Variants in ITGBL1 observed in about 807,000 individuals in gnomAD.
The protein encoded by ITGBL1 is integrin beta-like protein 1.
A neutral mutation model predicts 68.5 loss-of-function variants in ITGBL1; 51 were observed. The observed-to-expected ratio is 0.74, with a 90% CI of 0.59 to 0.94. The LOEUF (loss-of-function observed/expected upper bound fraction) is 0.94. Among genes scored for constraint, ITGBL1 ranks in the 40% least tolerant of loss-of-function variants. The pLI is 0.00. For missense variants in ITGBL1, 649 were observed against 647.4 expected (o/e 1.00, Z -0.03); for synonymous variants, 209 against 227.3 (o/e 0.92, Z 0.72).
chr13:101,678,200 G>A (rs533891035), intron 7 of ITGBL1, among the ~76,000 whole-genome samples: 6 of 152,170 alleles, frequency 3.9e-5, no homozygotes, highest in Non-Finnish European at 8.8e-5. Flanking sequence ...TCTCACATAT[G>A]TGTAAACTCG....
intron 7 of ITGBL1, among the ~76,000 whole-genome samples, chr13:101,664,715 C>T (rs996680228): frequency 6.6e-6 from 1 of 152,026 alleles, no homozygotes; most frequent in African/African-American, 2.4e-5. Context: ...TGATCTTGTA[C>T]TAGCAATCCA....
At chr13:101,544,542 C>A (rs1946156039) in intron 2 of ITGBL1, among the ~76,000 whole-genome samples, 3 of 152,182 alleles carry the variant, frequency 2.0e-5, no homozygotes, top group Non-Finnish European at 2.9e-5. Context: ...TCTCAGTTGT[C>A]CAGCTGCATG....
chr13:101,486,221 C>A (rs951447273), intron 2 of ITGBL1, among the ~76,000 whole-genome samples: 1 of 152,102 alleles, frequency 6.6e-6, no homozygotes, highest in Non-Finnish European at 1.5e-5. Context: ...GGCCATTATT[C>A]TAAGTGAAGT....
intron 7 of ITGBL1, among the ~76,000 whole-genome samples, chr13:101,608,048 A>G (rs1402976326): frequency 6.6e-6 from 1 of 152,100 alleles, no homozygotes; most frequent in Non-Finnish European, 1.5e-5. Flanking sequence ...TTCCTTAAAC[A>G]CATAACCATA....
chr13:101,557,725 C>T (rs1932266), intron 2 of ITGBL1, among the ~76,000 whole-genome samples: 152,158 of 152,172 alleles, frequency 1, 76,072 homozygotes, highest in Middle Eastern at 1. Flanking sequence ...TATTGGTAGA[C>T]GTTAAGTTCT....
At chr13:101,519,686 T>C (rs1404123757) in intron 2 of ITGBL1, among the ~76,000 whole-genome samples, 1 of 152,200 alleles carries the variant, frequency 6.6e-6, no homozygotes, top group East Asian at 1.9e-4. Flanking sequence ...ATATCATTAT[T>C]TTTAGGACTA....
At chr13:101,637,113 T>C (rs951724260) in intron 7 of ITGBL1, among the ~76,000 whole-genome samples, 17 of 152,124 alleles carry the variant, frequency 1.1e-4, no homozygotes, top group Non-Finnish European at 1.5e-5. Context: ...GGAAGATACA[T>C]CAAAGTTATG....
intron 8 of ITGBL1, among the ~76,000 whole-genome samples, chr13:101,704,030 T>C (rs1461676478): frequency 2.0e-5 from 3 of 152,126 alleles, no homozygotes; most frequent in Non-Finnish European, 4.4e-5. Flanking sequence ...CCATGTAAAT[T>C]GCCCACAAGT....
chr13:101,494,718 A>G (rs958304421), intron 2 of ITGBL1, among the ~76,000 whole-genome samples: 10 of 152,224 alleles, frequency 6.6e-5, no homozygotes, highest in Non-Finnish European at 1.3e-4. Context: ...GATGAGTATG[A>G]AGACAATATA....
intron 7 of ITGBL1, among the ~76,000 whole-genome samples, chr13:101,612,127 A>C (rs997823561): frequency 1.3e-5 from 2 of 152,232 alleles, no homozygotes; most frequent in African/African-American, 4.8e-5. Flanking sequence ...GCAAAAAGGC[A>C]AGATTCTTTG....
chr13:101,651,802 G>A (rs2032761098), intron 7 of ITGBL1, among the ~76,000 whole-genome samples: 1 of 151,894 alleles, frequency 6.6e-6, no homozygotes, highest in Non-Finnish European at 1.5e-5. Flanking sequence ...TTATAGTTTT[G>A]GGTTTTACAT....
In ITGBL1 at chr13:101,538,506, T is replaced by C. The variant is rs537218369; in HGVS notation, c.317-29193T>C. 1.1e-4 allele frequency among the ~76,000 whole-genome samples: 17 copies of C among 152,236 alleles called. No homozygotes were observed. The East Asian group carries it at 3.3e-3, about 29-fold the overall frequency. On this transcript the variant is annotated intron_variant, in intron 2 of 10. Transcript: ENST00000376180. ...ACCATTTTAAAGAACTATAAGGCCA[T>C]ATCTATGAAACTTATGAAGATTGGA...
chr13:101,696,833 A>G (rs1256112649), intron 8 of ITGBL1, among the ~76,000 whole-genome samples: 1 of 152,150 alleles, frequency 6.6e-6, no homozygotes, highest in Non-Finnish European at 1.5e-5. Flanking sequence ...AGGATTCACA[A>G]TTAAGGAGAA....
rs766017775 is a variant in ITGBL1 at position 101,706,839 on chromosome 13, A to G, written c.1216A>G (p.Met406Val). 1.4e-4 allele frequency: 233 copies of G among 1,614,082 alleles called. No individual in the cohort carries two copies. The highest frequency in any genetic ancestry group is 1.9e-4 in the Non-Finnish European group (227 of 1,180,040). Residue 406 changes from methionine (M) to valine (V), a missense_variant, in exon 9 of 11, where the codon ATG becomes GTG. Met to Val is a conservative substitution (Grantham distance 21, BLOSUM62 1). Transcript: ENST00000376180. ...KLCQHPRKCN[M>V]TEEQSKNLCE... is the part of the protein sequence containing the mutation. ...CTGCCAACATCCGCGGAAGTGTAAC[A>G]TGACGGAAGAACAAAGCAAGAATCT...
intron 2 of ITGBL1, among the ~76,000 whole-genome samples, chr13:101,527,438 A>G (rs928240553): frequency 7.2e-5 from 11 of 152,054 alleles, no homozygotes; most frequent in African/African-American, 2.7e-4. Flanking sequence ...ACATGTATGG[A>G]TATATCACTA....
intron 2 of ITGBL1, among the ~76,000 whole-genome samples, chr13:101,561,374 A>G (rs973803803): frequency 2.6e-5 from 4 of 152,194 alleles, no homozygotes; most frequent in African/African-American, 7.2e-5. Flanking sequence ...TGTTTCCCCT[A>G]TAAAACAAAA....
intron 7 of ITGBL1, among the ~76,000 whole-genome samples, chr13:101,671,816 A>G (rs1045349355): frequency 5.9e-5 from 9 of 152,176 alleles, no homozygotes; most frequent in Non-Finnish European, 1.2e-4. Flanking sequence ...CAGAAACTAC[A>G]TGAGTATTCT....
chr13:101,466,143 T>G (rs1310958754), intron 2 of ITGBL1, among the ~76,000 whole-genome samples: 1 of 152,200 alleles, frequency 6.6e-6, no homozygotes, highest in Non-Finnish European at 1.5e-5. Context: ...GCTAATGTTT[T>G]TACTTAATTT....
At chr13:101,571,047 A>G (rs1410190555) in intron 3 of ITGBL1, among the ~76,000 whole-genome samples, 2 of 152,132 alleles carry the variant, frequency 1.3e-5, no homozygotes, top group Non-Finnish European at 2.9e-5. Flanking sequence ...ATACACATAC[A>G]TGCATATTTT....
Sources: allele counts gnomAD v4.1 joint callset (sites outside exome capture counted in the v4.1 genomes callset), GRCh38; gene constraint gnomAD v4.1.1; transcripts MANE v1.5; gene names NCBI Gene and HGNC (gene_info 2026-07-23, HGNC 2026-07-21).